The following DNAAF4 variants were observed in gnomAD, a reference collection of about 807,000 sequenced individuals.
The protein encoded by DNAAF4 is dynein axonemal assembly factor 4.
Under a neutral mutation model 51.8 loss-of-function variants are expected in DNAAF4, and 43 were observed. That is an observed-to-expected ratio of 0.83 (90% CI 0.65 to 1.07). The LOEUF is 1.07. Among genes scored for constraint, DNAAF4 ranks in the 50% least tolerant of loss-of-function variants. The pLI is 0.00. For synonymous variants in DNAAF4, 194 were observed against 165.6 expected, an observed-to-expected ratio of 1.17 and a Z score of -1.32; for missense variants, 581 against 493.0, an observed-to-expected ratio of 1.18 and a Z score of -1.69.
chr15:55,488,922 AC>A (rs1432127541), intron 4 of DNAAF4, among the ~76,000 whole-genome samples: 1 of 152,084 alleles, frequency 6.6e-6, no homozygotes, highest in Non-Finnish European at 1.5e-5. Flanking sequence ...CCCTGTCTCT[AC>A]TAAAAATACA....
chr15:55,446,439 T>C (rs1230622125), intron 6 of DNAAF4, among the ~76,000 whole-genome samples: 10 of 128,520 alleles, frequency 7.8e-5, no homozygotes, highest in Non-Finnish European at 1.3e-4. Context: ...GCAGAGGCGC[T>C]CCCCACTTCC....
At chr15:55,432,726 A>G in intron 8 of DNAAF4, 124 bp from the exon 9 acceptor site, 1 of 702,524 alleles carries the variant, frequency 1.4e-6, no homozygotes, top group Non-Finnish European at 2.2e-6. Context: ...TAGGTGGATC[A>G]CCTGAAGTCA....
intron 4 of DNAAF4, among the ~76,000 whole-genome samples, chr15:55,484,211 C>G (rs1005561543): frequency 2.0e-5 from 3 of 151,898 alleles, no homozygotes; most frequent in Admixed American, 6.6e-5. Context: ...AGGCCGGGCG[C>G]GGTGGCTCAT....
chr15:55,419,329 A>G (rs1407407050), intron 7 of DNAAF4, among the ~76,000 whole-genome samples: 1 of 151,968 alleles, frequency 6.6e-6, no homozygotes, highest in Non-Finnish European at 1.5e-5. Flanking sequence ...GGCTCAAACT[A>G]TCCCCCACCT....
In DNAAF4 at chr15:55,487,931, T is replaced by C. The variant is rs1050609669; in HGVS notation, c.405+3192A>G. Among the ~76,000 whole-genome samples the C allele has an allele frequency of 3.3e-5, 5 of 152,300 alleles. No individual in the cohort carries two copies. In the South Asian group the frequency reaches 1.0e-3, roughly 32 times the overall value. ...TAAATCTGGACTTGGCTATGTGACT[T>C]GATTTGGCTAATGGTACATTAGCAA... On this transcript the variant is annotated intron_variant, in intron 4 of 9. Transcript: ENST00000321149.
At chr15:55,432,044 C>T (rs902410793) in intron 9 of DNAAF4, among the ~76,000 whole-genome samples, 5 of 152,232 alleles carry the variant, frequency 3.3e-5, no homozygotes, top group Admixed American at 2.6e-4. Context: ...CAATCTCCGC[C>T]TCCCGGGTTC....
Position 55,443,219 on chromosome 15 carries a change from A to C in DNAAF4, c.784-3638T>G, listed in dbSNP as rs574466081. ...TTCCAGCTGGGGTTGGGGACAGAATAGTCCTTAAGAATGACTTCCTCAGAA... is the reference window on the plus strand; with the variant it reads ...TTCCAGCTGGGGTTGGGGACAGAATCGTCCTTAAGAATGACTTCCTCAGAA... On this transcript the variant is annotated intron_variant, in intron 6 of 9. Transcript: ENST00000321149. The C allele has an allele frequency of 3.1e-6, 5 of 1,609,308 alleles. No homozygotes were observed. In the Admixed American group the frequency reaches 8.3e-5, roughly 27 times the overall value.
At chr15:55,452,992 A>AT (rs1320233529) in intron 5 of DNAAF4, among the ~76,000 whole-genome samples, 6 of 151,856 alleles carry the variant, frequency 4.0e-5, no homozygotes, top group African/African-American at 1.2e-4. Flanking sequence ...TGCCCAGCTA[A>AT]TTTTTTTGTA....
chr15:55,483,781 C>CTCCCAAAGTGTAA (rs1277872728), intron 4 of DNAAF4, among the ~76,000 whole-genome samples: 8 of 148,656 alleles, frequency 5.4e-5, no homozygotes, highest in African/African-American at 2.0e-4. Flanking sequence ...CCTGCTCAGC[C>CTCCCAAAGTGTAA]TCCCAAAGTG....
intron 5 of DNAAF4, 95 bp from the exon 6 acceptor site, chr15:55,450,462 A>C (rs1454388442): frequency 1.0e-5 from 13 of 1,294,284 alleles, no homozygotes; most frequent in African/African-American, 1.5e-5. Flanking sequence ...CTCACCCCCA[A>C]ATCCTAAACA....
downstream of DNAAF4, among the ~76,000 whole-genome samples, chr15:55,429,853 G>A (rs1395136724): frequency 1.3e-5 from 2 of 151,352 alleles, no homozygotes; most frequent in Non-Finnish European, 2.9e-5. Context: ...AATTTAATTA[G>A]AGAATTACAG....
At chr15:55,444,537 G>T (rs144679946) in intron 6 of DNAAF4, among the ~76,000 whole-genome samples, 2 of 152,064 alleles carry the variant, frequency 1.3e-5, no homozygotes, top group African/African-American at 4.8e-5. Flanking sequence ...GTTCTTTTTT[G>T]GTTCCATATG....
At chr15:55,463,179 C>A (rs190742091) in intron 5 of DNAAF4, among the ~76,000 whole-genome samples, 1,650 of 150,304 alleles carry the variant, frequency 0.011, 15 homozygotes, top group Non-Finnish European at 0.014. Context: ...GTCTCACACA[C>A]ACACACACAC....
At chr15:55,432,783 T>TAA (rs34919072) in intron 8 of DNAAF4, among the ~76,000 whole-genome samples, 181 bp from the exon 9 acceptor site, 5 of 149,468 alleles carry the variant, frequency 3.3e-5, no homozygotes, top group African/African-American at 9.9e-5. Flanking sequence ...CCGTCTCTAC[T>TAA]AAAAAAAAAT....
rs1820145035 is a variant in DNAAF4 at position 55,498,593 on chromosome 15, G to GGAA, written c.-255-10_-255-9insTTC. On this transcript the variant is annotated splice_polypyrimidine_tract_variant and intron_variant, in intron 1 of 9. Coordinates refer to ENST00000321149, the MANE Select transcript of DNAAF4 (RefSeq NM_130810.4). ...AAGTAGACCCATACCCTCTGCTTGAGAAAAAAAAAAAAAAAAAAAAGCACT... is the reference window on the plus strand; with the variant it reads ...AAGTAGACCCATACCCTCTGCTTGAGGAAAAAAAAAAAAAAAAAAAAAAGCACT... 1.3e-5 allele frequency: 1 copy of GGAA among 74,652 alleles called. No homozygotes were observed. The highest frequency in any genetic ancestry group is 5.8e-5 in the African/African-American group (1 of 17,198). 4.6% of individuals were successfully genotyped at this position (74,652 alleles called of 1,614,324 possible).
At chr15:55,435,694 A>AT in intron 7 of DNAAF4, among the ~76,000 whole-genome samples, 1 of 152,332 alleles carries the variant, frequency 6.6e-6, no homozygotes, top group South Asian at 2.1e-4. Context: ...TGCAATGGAT[A>AT]TACTCTTTCA....
intron 7 of DNAAF4, among the ~76,000 whole-genome samples, chr15:55,424,210 G>A (rs1205392428): frequency 6.6e-6 from 1 of 152,144 alleles, no homozygotes; most frequent in Non-Finnish European, 1.5e-5. Context: ...GGGGAGTTCA[G>A]CCCCCTTTTC....
At chr15:55,466,819 A>G (rs2058177402) in intron 5 of DNAAF4, 111 bp downstream of exon 5, 1 of 1,343,592 alleles carries the variant, frequency 7.4e-7, no homozygotes, top group Non-Finnish European at 1.0e-6. Flanking sequence ...GCTTATTCTC[A>G]ATGTGCCAAA....
chr15:55,419,265 C>T (rs2057366928), intron 7 of DNAAF4, among the ~76,000 whole-genome samples: 1 of 151,934 alleles, frequency 6.6e-6, no homozygotes, highest in Non-Finnish European at 1.5e-5. Flanking sequence ...CCTTATCTCA[C>T]CCAAGCTGGA....
Sources: allele counts gnomAD v4.1 joint callset (sites outside exome capture counted in the v4.1 genomes callset), GRCh38; gene constraint gnomAD v4.1.1; transcripts MANE v1.5; gene names NCBI Gene and HGNC (gene_info 2026-07-23, HGNC 2026-07-21).